Variants in CAPG observed in about 807,000 individuals in gnomAD.
The protein encoded by CAPG is capping actin protein, gelsolin like.
A neutral mutation model predicts 44.6 loss-of-function variants in CAPG; 32 were observed. That is an observed-to-expected ratio of 0.72 (90% CI 0.54 to 0.96). The LOEUF (loss-of-function observed/expected upper bound fraction) is 0.96, where lower values mean the gene tolerates loss of function less well. Ranked by LOEUF, CAPG falls within the 50% of genes least tolerant of loss-of-function variation. CAPG has a pLI of 0.00. For synonymous variants in CAPG, 175 were observed against 179.6 expected, an observed-to-expected ratio of 0.97 and a Z score of 0.20; for missense variants, 412 against 438.3, an observed-to-expected ratio of 0.94 and a Z score of 0.54.
At chr2:85,392,798 T>G (rs1017117706), downstream of CAPG, among the ~76,000 whole-genome samples, 1 of 152,160 alleles carries the variant, frequency 6.6e-6, no homozygotes, top group Non-Finnish European at 1.5e-5. Flanking sequence ...GGAGTTGAAT[T>G]GCAGGGGAGA....
upstream of CAPG, chr2:85,418,458 C>T (rs886585275): frequency 6.6e-6 from 1 of 152,300 alleles, no homozygotes; most frequent in Non-Finnish European, 1.5e-5. Context: ...CAGCCTGGGC[C>T]CTAGACCCCT....
chr2:85,396,642 G>A (rs1239182006), intron 8 of CAPG, among the ~76,000 whole-genome samples: 1 of 151,976 alleles, frequency 6.6e-6, no homozygotes, highest in Non-Finnish European at 1.5e-5. Flanking sequence ...TCCTTGCTCC[G>A]GTTTATACAT....
chr2:85,399,308 G>A (rs373075769), intron 5 of CAPG, 23 bp from the exon 6 acceptor site: 27 of 1,612,044 alleles, frequency 1.7e-5, no homozygotes, highest in East Asian at 6.7e-5. Flanking sequence ...AGGAAAGTCC[G>A]GGTCAGAGCC....
chr2:85,410,489 G>A (rs1393955555), upstream of CAPG: 1 of 152,452 alleles, frequency 6.6e-6, no homozygotes, highest in African/African-American at 2.4e-5. Flanking sequence ...GGCAGTGCTG[G>A]GAGGCCAGCA....
At chr2:85,394,092 A>G (rs762788240), downstream of CAPG, among the ~76,000 whole-genome samples, 3 of 152,236 alleles carry the variant, frequency 2.0e-5, no homozygotes, top group Non-Finnish European at 2.9e-5. Context: ...GCCCCTGGGC[A>G]TGCCTTCTCA....
intron 1 of CAPG, among the ~76,000 whole-genome samples, chr2:85,405,582 GA>G (rs1335047592): frequency 6.6e-6 from 1 of 152,210 alleles, no homozygotes; most frequent in African/African-American, 2.4e-5. Context: ...TGACAGAGCA[GA>G]AGGTATTAAG....
At chr2:85,392,207 A>G (rs1384252787), downstream of CAPG, among the ~76,000 whole-genome samples, 3 of 152,124 alleles carry the variant, frequency 2.0e-5, no homozygotes, top group African/African-American at 4.8e-5. Flanking sequence ...TGGCTAACAC[A>G]GTGAAACCCC....
chr2:85,395,651 A>T lies in CAPG; in HGVS notation c.893-25T>A. The T allele has an allele frequency of 6.3e-7, 1 of 1,578,974 alleles. No homozygotes were observed. The stretch of plus-strand genomic sequence containing the variant: ...CCTAGATCATAGGAAGGAGATTTTT[A>T]AAAAGAGCAGGGACCCTCTTTAGCT... On this transcript the variant is annotated intron_variant, in intron 8 of 9. Transcript: ENST00000263867. The surrounding 1 kb of genome is among the most constrained non-coding windows in gnomAD (Gnocchi z 4.3).
intron 1 of CAPG, among the ~76,000 whole-genome samples, chr2:85,417,285 A>G (rs1034226472): frequency 6.6e-6 from 1 of 152,122 alleles, no homozygotes; most frequent in Non-Finnish European, 1.5e-5. Context: ...TCCTCTTATT[A>G]TCCTCCTTTG....
chr2:85,412,499 C>G (rs1244304475), upstream of CAPG, among the ~76,000 whole-genome samples: 1 of 151,976 alleles, frequency 6.6e-6, no homozygotes, highest in African/African-American at 2.4e-5. Context: ...GGTGACTGGG[C>G]AAGACTCAGT....
intron 1 of CAPG, among the ~76,000 whole-genome samples, chr2:85,417,012 G>GT (rs977604653): frequency 6.6e-6 from 1 of 152,220 alleles, no homozygotes; most frequent in African/African-American, 2.4e-5. Flanking sequence ...GGGGCAACCA[G>GT]AACAGTGACA....
chr2:85,401,023 C>A lies in CAPG; in HGVS notation c.516+142G>T, dbSNP rs1467155289. The A allele has an allele frequency of 8.2e-6, 6 of 735,150 alleles. No homozygotes were observed. In the Admixed American group the frequency reaches 1.4e-4, roughly 17 times the overall value. The allele number at this position is 735,150 out of a possible 1,614,324, so 45.5% of individuals were successfully genotyped here. On this transcript the variant is annotated intron_variant, in intron 5 of 9. Coordinates refer to ENST00000263867, the MANE Select transcript of CAPG (RefSeq NM_001747.4). The stretch of plus-strand genomic sequence containing the variant: ...GCATCAGTCCTTACAAATATAGGGA[C>A]ATTCTCCAATGGTCAGAGTGATCTC...
At chr2:85,407,615 C>A (rs1356713569) in intron 1 of CAPG, among the ~76,000 whole-genome samples, 1 of 147,710 alleles carries the variant, frequency 6.8e-6, no homozygotes, top group African/African-American at 2.5e-5. Flanking sequence ...TGGGAGGCTG[C>A]AGCACAAGAA....
chr2:85,403,886 CAA>C (rs36054381), intron 1 of CAPG, among the ~76,000 whole-genome samples: 3,376 of 69,700 alleles, frequency 0.048, 26 homozygotes, highest in Middle Eastern at 0.091. Context: ...GACTCCATCT[CAA>C]AAAAAAAAAA....
intron 4 of CAPG, 81 bp from the exon 5 acceptor site, chr2:85,401,410 G>A: frequency 6.3e-7 from 1 of 1,576,708 alleles, no homozygotes. Flanking sequence ...AAGACGGGCA[G>A]AAAGGTGGGG....
At chr2:85,414,921 G>A (rs1482733931), upstream of CAPG, among the ~76,000 whole-genome samples, 1 of 152,236 alleles carries the variant, frequency 6.6e-6, no homozygotes, top group Admixed American at 6.5e-5. Flanking sequence ...CATGAGAGAT[G>A]TCAGTTGACA....
chr2:85,401,342 C>T lies in CAPG; in HGVS notation c.352-13G>A, dbSNP rs539550972. ...CCACACCACCTTCCTGCAGCCCAGA[C>T]GGCCCATCTGAGTGGACTGACAGGA... On this transcript the variant is annotated splice_polypyrimidine_tract_variant and intron_variant, in intron 4 of 9. Transcript: ENST00000263867. 44 of 1,612,552 alleles carry T rather than the reference C, an allele frequency of 2.7e-5. No homozygotes were observed. The highest frequency in any genetic ancestry group is 1.7e-4 in the Middle Eastern group (1 of 6,052).
At position 85,395,236 on chromosome 2, in the gene CAPG, G is replaced by A. The variant is rs541828708; in HGVS notation, c.982-278C>T. ...GAGCCCTGTCAGCTCCCCACGGGAT[G>A]ACTTGTGGACACTGTGCTGCGGCAG... On this transcript the variant is annotated intron_variant, in intron 9 of 9. Transcript: ENST00000263867. This position sits in a 1 kb window ranked among gnomAD's most constrained non-coding sequence, Gnocchi z 4.3. Among the ~76,000 whole-genome samples, 9 of 152,320 alleles carry A rather than the reference G, an allele frequency of 5.9e-5. No individual in the cohort carries two copies. The highest frequency in any genetic ancestry group is 4.6e-4 in the Admixed American group (7 of 15,298).
chr2:85,392,972 A>T (rs1316981367), downstream of CAPG, among the ~76,000 whole-genome samples: 1 of 152,072 alleles, frequency 6.6e-6, no homozygotes, highest in Non-Finnish European at 1.5e-5. Flanking sequence ...GGCAATTTTA[A>T]ATTTACAGTT....
Sources: allele counts gnomAD v4.1 joint callset (sites outside exome capture counted in the v4.1 genomes callset), GRCh38; gene constraint gnomAD v4.1.1; non-coding constraint Gnocchi (gnomAD v3.1); transcripts MANE v1.5; gene names NCBI Gene and HGNC (gene_info 2026-07-23, HGNC 2026-07-21).